Variants in TMEM26 observed in about 807,000 individuals in gnomAD.
TMEM26 encodes the protein transmembrane protein 26.
Under a neutral mutation model 28.8 loss-of-function variants are expected in TMEM26, and 38 were observed. The observed-to-expected ratio is 1.32, with a 90% confidence interval of 1.02 to 1.73. The LOEUF (loss-of-function observed/expected upper bound fraction) is 1.73, where lower values mean the gene tolerates loss of function less well. TMEM26 is among the 40% of genes most tolerant of loss of function. The probability of loss-of-function intolerance (pLI) is 0.00; values close to 1 mark genes in which losing one functional copy is unlikely to be tolerated. For missense variants in TMEM26, 518 were observed against 447.1 expected (o/e 1.16, Z -1.43); for synonymous variants, 227 against 182.9 (o/e 1.24, Z -1.95).
At chr10:61,420,372 G>T (rs1034775458) in intron 4 of TMEM26, among the ~76,000 whole-genome samples, 1 of 152,022 alleles carries the variant, frequency 6.6e-6, no homozygotes, top group African/African-American at 2.4e-5. Context: ...TGGAGGAGGT[G>T]AAAGGAGAGG....
intron 4 of TMEM26, among the ~76,000 whole-genome samples, chr10:61,417,429 G>A (rs977217521): frequency 2.7e-5 from 4 of 148,440 alleles, no homozygotes; most frequent in African/African-American, 9.9e-5. Context: ...AAATATTCCT[G>A]TAGAAAAGAC....
chr10:61,439,336 C>G (rs12265711), intron 1 of TMEM26, among the ~76,000 whole-genome samples: 14,877 of 152,196 alleles, frequency 0.098, 1,549 homozygotes, highest in African/African-American at 0.26. Context: ...TATCTCTTTC[C>G]TCTTCCCACT....
chr10:61,410,818 G>T, intron 5 of TMEM26, 72 bp from the exon 6 acceptor site: 2 of 1,453,102 alleles, frequency 1.4e-6, no homozygotes, highest in Non-Finnish European at 1.9e-6. Flanking sequence ...CCATGGGGAC[G>T]AGTCATTAAC....
rs576596306 is a variant in TMEM26 at position 61,407,576 on chromosome 10, G to A, written c.*2746C>T. 7 of 152,270 alleles carry A rather than the reference G, an allele frequency of 4.6e-5. No individual in the cohort carries two copies. Among genetic ancestry groups the A allele is most frequent in the African/African-American group, 1.7e-4 (7 of 41,576 alleles). 9.4% of individuals were successfully genotyped at this position (152,270 alleles called of 1,614,324 possible). A position where few individuals can be genotyped will look rare whatever the true frequency, so the allele number is the denominator to read the frequency against. Reference sequence around the variant, plus strand: ...TAAGGGCAAAAGAAACCCACAAGATGATCATGAGGTGTGTTTCCGCACAGT... The same window carrying A: ...TAAGGGCAAAAGAAACCCACAAGATAATCATGAGGTGTGTTTCCGCACAGT... On this transcript the variant is annotated 3_prime_UTR_variant, in exon 6 of 6. Coordinates refer to ENST00000399298, the MANE Select transcript of TMEM26 (RefSeq NM_178505.8).
chr10:61,422,981 G>A (rs1197055376), intron 4 of TMEM26, among the ~76,000 whole-genome samples: 1 of 151,826 alleles, frequency 6.6e-6, no homozygotes, highest in Admixed American at 6.6e-5. Flanking sequence ...CAAGATAAAA[G>A]GCAGAAATTG....
intron 4 of TMEM26, chr10:61,414,692 G>A (rs1206631045): frequency 1.6e-4 from 25 of 152,030 alleles, no homozygotes; most frequent in Admixed American, 1.6e-3. Flanking sequence ...TTATATAAAT[G>A]ATCCTTTAAA....
intron 4 of TMEM26, among the ~76,000 whole-genome samples, chr10:61,420,395 G>A (rs1839725235): frequency 6.6e-6 from 1 of 151,924 alleles, no homozygotes; most frequent in Admixed American, 6.6e-5. Flanking sequence ...AGAGAGGCAG[G>A]CACACCCAAT....
intron 4 of TMEM26, among the ~76,000 whole-genome samples, chr10:61,428,303 CT>C (rs1274823980): frequency 6.6e-6 from 1 of 152,050 alleles, no homozygotes; most frequent in Non-Finnish European, 1.5e-5. Context: ...AGTTTATTTG[CT>C]TGTGGCAAAA....
chr10:61,439,439 C>T (rs924822167), intron 1 of TMEM26, among the ~76,000 whole-genome samples: 4 of 152,004 alleles, frequency 2.6e-5, no homozygotes, highest in Admixed American at 6.6e-5. Flanking sequence ...TTTGAATGCC[C>T]GAATTTATGA....
chr10:61,413,373 CT>C (rs1414138145), intron 5 of TMEM26, 85 bp downstream of exon 5: 1 of 1,542,886 alleles, frequency 6.5e-7, no homozygotes, highest in Non-Finnish European at 8.7e-7. Flanking sequence ...CATGATAATC[CT>C]TTCACTTGCC....
rs768578776 is a variant in TMEM26 at position 61,413,519 on chromosome 10, C to T, written c.622G>A (p.Val208Ile). 2 of 1,612,518 alleles carry T rather than the reference C, an allele frequency of 1.2e-6. No homozygotes were observed. Among genetic ancestry groups the T allele is most frequent in the Non-Finnish European group, 8.5e-7 (1 of 1,179,134 alleles). ...GTCCATATAACAAGGATGGCATAGA[C>T]TAGTGCAGGACTATTCCTAGAATAC... ...EQNVRNSPALVYAILVIWTWS... is the reference protein window; with the variant it reads ...EQNVRNSPALIYAILVIWTWS... Residue 208 changes from valine (V) to isoleucine (I), a missense_variant, in exon 5 of 6, where the codon GTC becomes ATC. By Grantham distance (29) the Val-to-Ile change is conservative. Coordinates refer to ENST00000399298, the MANE Select transcript of TMEM26 (RefSeq NM_178505.8).
chr10:61,446,566 A>G (rs1401472556), intron 1 of TMEM26, among the ~76,000 whole-genome samples: 1 of 152,098 alleles, frequency 6.6e-6, no homozygotes, highest in South Asian at 2.1e-4. Flanking sequence ...CACGCCTGTA[A>G]TCCCAGCACT....
chr10:61,414,076 C>G, intron 4 of TMEM26: 1 of 985,046 alleles, frequency 1.0e-6, no homozygotes, highest in Non-Finnish European at 1.2e-6. Context: ...GGACATAAAG[C>G]AAGGAATAAG....
chr10:61,433,895 A>G (rs1839961451), intron 2 of TMEM26, among the ~76,000 whole-genome samples: 2 of 152,300 alleles, frequency 1.3e-5, no homozygotes, highest in South Asian at 2.1e-4. Context: ...TCACCGTATC[A>G]ACTTAGGAAA....
intron 4 of TMEM26, among the ~76,000 whole-genome samples, chr10:61,425,024 C>A (rs1839807453): frequency 6.6e-6 from 1 of 152,140 alleles, no homozygotes; most frequent in Non-Finnish European, 1.5e-5. Context: ...ACATACCCAA[C>A]ACTGGGTAAT....
chr10:61,434,151 T>TC (rs1491555347), intron 2 of TMEM26, among the ~76,000 whole-genome samples: 1 of 152,168 alleles, frequency 6.6e-6, no homozygotes, highest in African/African-American at 2.4e-5. Flanking sequence ...ATACTTTTTT[T>TC]CTCTCTTACT....
At chr10:61,413,702 T>A in intron 4 of TMEM26, 167 bp from the exon 5 acceptor site, 1 of 1,308,952 alleles carries the variant, frequency 7.6e-7, no homozygotes, top group East Asian at 2.8e-5. Context: ...AATAATGGAA[T>A]AATGAAGAAG....
intron 4 of TMEM26, among the ~76,000 whole-genome samples, chr10:61,421,801 C>A (rs1839753562): frequency 6.6e-6 from 1 of 152,016 alleles, no homozygotes; most frequent in East Asian, 1.9e-4. Flanking sequence ...TTTTAAGCCA[C>A]CATGTTTGTG....
At chr10:61,426,217 T>A (rs770214720) in intron 4 of TMEM26, among the ~76,000 whole-genome samples, 1 of 152,126 alleles carries the variant, frequency 6.6e-6, no homozygotes, top group African/African-American at 2.4e-5. Flanking sequence ...ATGAAATTTC[T>A]AGGAAAGAAA....
Sources: gnomAD v4.1 joint callset for allele counts (sites outside exome capture counted in the v4.1 genomes callset) on GRCh38, gnomAD v4.1.1 for gene constraint, MANE v1.5 for transcripts, NCBI Gene and HGNC (gene_info 2026-07-23, HGNC 2026-07-21) for gene names.